ZFR: variants seen among roughly 807,000 people sequenced by gnomAD.
ZFR encodes the protein zinc finger RNA binding protein.
Under a neutral mutation model 130.7 loss-of-function variants are expected in ZFR, and 19 were observed. That is an observed-to-expected ratio of 0.15 (90% CI 0.10 to 0.21). The LOEUF (loss-of-function observed/expected upper bound fraction) is 0.21, where lower values mean the gene tolerates loss of function less well. ZFR is among the 10% of genes least tolerant of loss of function. The pLI, the probability that ZFR is intolerant of heterozygous loss-of-function variation, is 1.00. For synonymous variants in ZFR, 466 were observed against 456.9 expected, an observed-to-expected ratio of 1.02 and a Z score of -0.25; for missense variants, 872 against 1,321.5, an observed-to-expected ratio of 0.66 and a Z score of 5.27.
chr5:32,407,931 T>TG (rs764951753), intron 5 of ZFR, among the ~76,000 whole-genome samples: 7 of 152,216 alleles, frequency 4.6e-5, no homozygotes, highest in Non-Finnish European at 8.8e-5. Context: ...GCCTTGTATC[T>TG]GTTTTCCTAC....
chr5:32,433,849 G>A (rs1754273933), intron 2 of ZFR, among the ~76,000 whole-genome samples: 1 of 152,212 alleles, frequency 6.6e-6, no homozygotes, highest in South Asian at 2.1e-4. Context: ...GGGAGGCCAA[G>A]GCAGGCGGAT....
At chr5:32,361,284 G>A (rs1322927219) in intron 19 of ZFR, among the ~76,000 whole-genome samples, 2 of 152,176 alleles carry the variant, frequency 1.3e-5, no homozygotes, top group African/African-American at 4.8e-5. Flanking sequence ...TCATACACCT[G>A]CTTTGAAAAT....
At chr5:32,371,583 T>C (rs1752669530) in intron 17 of ZFR, among the ~76,000 whole-genome samples, 1 of 151,980 alleles carries the variant, frequency 6.6e-6, no homozygotes, top group Non-Finnish European at 1.5e-5. Context: ...TGGAGAAAGG[T>C]AAAATGAATC....
intron 2 of ZFR, among the ~76,000 whole-genome samples, chr5:32,436,985 A>C (rs1754351713): frequency 1.3e-5 from 2 of 152,234 alleles, no homozygotes; most frequent in South Asian, 4.1e-4. Context: ...AACTAACAAC[A>C]GACTGTTTGC....
chr5:32,390,385 AATG>A lies in ZFR; in HGVS notation c.2029_2031del (p.His677del). On this transcript the variant is annotated inframe_deletion, in exon 12 of 20. Coordinates refer to ENST00000265069, the MANE Select transcript of ZFR (RefSeq NM_016107.5). ...TCTGGCATTCGGCGGCGATCATCCC[AATG>A]ATGTTGTTCTTCCTCCATTCTCCTC... 6.2e-7 allele frequency: 1 copy of A among 1,614,080 alleles called. No individual in the cohort carries two copies. Among genetic ancestry groups the A allele is most frequent in the African/African-American group, 1.3e-5 (1 of 75,016 alleles).
intron 17 of ZFR, among the ~76,000 whole-genome samples, chr5:32,375,400 A>C (rs1403732715): frequency 6.6e-6 from 1 of 152,274 alleles, no homozygotes; most frequent in African/African-American, 2.4e-5. Flanking sequence ...AACGTATCAT[A>C]CATGTCAAGC....
chr5:32,421,189 T>TA (rs1753949280), intron 2 of ZFR, among the ~76,000 whole-genome samples: 1 of 152,002 alleles, frequency 6.6e-6, no homozygotes, highest in Non-Finnish European at 1.5e-5. Flanking sequence ...TTCCACAAGG[T>TA]AAAGCCACAT....
At chr5:32,444,180 A>C in intron 2 of ZFR, 49 bp downstream of exon 2, 1 of 1,573,118 alleles carries the variant, frequency 6.4e-7, no homozygotes, top group African/African-American at 1.4e-5. Flanking sequence ...CAGGATCCGG[A>C]CCGAGGGGAG....
chr5:32,433,145 T>C (rs936451000), intron 2 of ZFR, among the ~76,000 whole-genome samples: 2 of 152,194 alleles, frequency 1.3e-5, no homozygotes, highest in Admixed American at 1.3e-4. Context: ...GTATGAAAAT[T>C]GTTAATTTTC....
intron 19 of ZFR, among the ~76,000 whole-genome samples, chr5:32,361,334 C>T (rs550472265): frequency 2.0e-4 from 31 of 152,294 alleles, no homozygotes; most frequent in African/African-American, 5.1e-4. Context: ...GGACTTGATA[C>T]AGCATTCTAC....
At chr5:32,444,007 T>TC (rs1228413487) in intron 2 of ZFR, among the ~76,000 whole-genome samples, 88 of 138,276 alleles carry the variant, frequency 6.4e-4, no homozygotes, top group African/African-American at 2.4e-3. Context: ...CGTCTCTACC[T>TC]CCCCCCTACT....
At chr5:32,380,234 C>T in intron 15 of ZFR, 62 bp from the exon 16 acceptor site, 1 of 1,295,752 alleles carries the variant, frequency 7.7e-7, no homozygotes, top group South Asian at 1.2e-5. Flanking sequence ...GTGAGCAAGA[C>T]ACTTCCTTAA....
rs1159367724 is a variant in ZFR, at chr5:32,411,688, CAA to C, written c.784+3279_784+3280del. Among the ~76,000 whole-genome samples, 34 of 16,260 alleles carry C rather than the reference CAA, an allele frequency of 2.1e-3. 2 individuals carry two copies. The highest frequency in any genetic ancestry group is 3.8e-3 in the Non-Finnish European group (32 of 8,350). 10.7% of individuals were successfully genotyped at this position (16,260 alleles called of 152,430 possible). ...TGGGCAACAGAGTGAGATGCTGTCT[CAA>C]AAAAAAAAAAAAAAATTGAGGGGGG... is the stretch of plus-strand genomic sequence containing the variant. On this transcript the variant is annotated intron_variant, in intron 5 of 19. Coordinates refer to ENST00000265069, the MANE Select transcript of ZFR (RefSeq NM_016107.5).
intron 2 of ZFR, among the ~76,000 whole-genome samples, 167 bp downstream of exon 2, chr5:32,444,062 G>GGCAA (rs1561936822): frequency 2.3e-3 from 119 of 52,838 alleles, no homozygotes; most frequent in East Asian, 7.6e-3. Flanking sequence ...GGGCAAGGCG[G>GGCAA]GGCGGGGCGG....
At position 32,388,693 on chromosome 5, in the gene ZFR, G is replaced by C; in HGVS notation, c.2143-19C>G. 1.3e-6 allele frequency: 2 copies of C among 1,559,344 alleles called. No individual in the cohort carries two copies. The highest frequency in any genetic ancestry group is 1.4e-5 in the African/African-American group (1 of 72,670). ...GTAAGGGCTACAGAGAAACAAAGTTGCTCAATTTAAAAAAAAGTTTCCTGA... is the reference window on the plus strand; with the variant it reads ...GTAAGGGCTACAGAGAAACAAAGTTCCTCAATTTAAAAAAAAGTTTCCTGA... On this transcript the variant is annotated intron_variant, in intron 12 of 19. Coordinates refer to ENST00000265069, the MANE Select transcript of ZFR (RefSeq NM_016107.5).
At chr5:32,435,368 T>C (rs1754310999) in intron 2 of ZFR, among the ~76,000 whole-genome samples, 1 of 152,242 alleles carries the variant, frequency 6.6e-6, no homozygotes. Context: ...TTTACAAGCT[T>C]ACTACGAATA....
At chr5:32,404,975 C>T (rs959368450) in intron 6 of ZFR, among the ~76,000 whole-genome samples, 3 of 152,154 alleles carry the variant, frequency 2.0e-5, no homozygotes, top group Non-Finnish European at 2.9e-5. Context: ...TGCCACCATG[C>T]GTAGCTCATT....
intron 15 of ZFR, among the ~76,000 whole-genome samples, chr5:32,382,327 C>T (rs1404854898): frequency 6.6e-6 from 1 of 151,954 alleles, no homozygotes; most frequent in Non-Finnish European, 1.5e-5. Flanking sequence ...CAAAACAAAA[C>T]CAAACCCCTC....
intron 19 of ZFR, among the ~76,000 whole-genome samples, chr5:32,361,861 G>A (rs750760435): frequency 4.6e-5 from 7 of 152,030 alleles, no homozygotes; most frequent in Non-Finnish European, 8.8e-5. Flanking sequence ...TGGCCCGCCC[G>A]CCTTGACCTC....
Sources: allele counts gnomAD v4.1 joint callset (sites outside exome capture counted in the v4.1 genomes callset), GRCh38; gene constraint gnomAD v4.1.1; transcripts MANE v1.5; gene names NCBI Gene and HGNC (gene_info 2026-07-23, HGNC 2026-07-21).